Variants in RCL1 observed in about 807,000 individuals in gnomAD.
RCL1 encodes the protein RNA terminal phosphate cyclase like 1, also known as RNA 3'-terminal phosphate cyclase-like protein.
In RCL1, 24 loss-of-function variants were observed where a neutral mutation model predicts 42.4. That is an observed-to-expected ratio of 0.57 (90% CI 0.41 to 0.80). The LOEUF (loss-of-function observed/expected upper bound fraction) is 0.80. Among genes scored for constraint, RCL1 ranks in the 30% least tolerant of loss-of-function variants. RCL1 has a pLI of 0.00. For synonymous variants in RCL1, 228 were observed against 177.3 expected, an observed-to-expected ratio of 1.29 and a Z score of -2.27; for missense variants, 578 against 467.9, an observed-to-expected ratio of 1.24 and a Z score of -2.17.
intron 1 of RCL1, among the ~76,000 whole-genome samples, chr9:4,817,023 T>G (rs910527866): frequency 1.3e-5 from 2 of 152,174 alleles, no homozygotes; most frequent in Non-Finnish European, 2.9e-5. Context: ...TTCACCGTGT[T>G]AGCCAGGATG....
intron 7 of RCL1, 92 bp downstream of exon 7, chr9:4,844,773 G>A: frequency 1.5e-6 from 2 of 1,336,252 alleles, no homozygotes; most frequent in East Asian, 2.3e-5. Flanking sequence ...CTCTTCCAAG[G>A]GCTCAAGCCA....
At chr9:4,827,264 C>T (rs1563842566) in intron 3 of RCL1, 3 of 1,434,516 alleles carry the variant, frequency 2.1e-6, no homozygotes, top group East Asian at 5.0e-5. Flanking sequence ...TTTGTTGTTA[C>T]CTAAGAACCT....
chr9:4,796,510 G>T (rs531091149), intron 1 of RCL1, among the ~76,000 whole-genome samples: 2 of 152,100 alleles, frequency 1.3e-5, no homozygotes, highest in African/African-American at 4.8e-5. Context: ...ATCCTCTCAC[G>T]TTAGCTTCCT....
intron 7 of RCL1, 30 bp downstream of exon 7, chr9:4,844,711 G>T: frequency 6.3e-7 from 1 of 1,591,336 alleles, no homozygotes; most frequent in Non-Finnish European, 8.6e-7. Flanking sequence ...TGATAGAGGA[G>T]TGACCAGGAA....
rs746372315 is a variant in RCL1, at chr9:4,849,507, C to G, written c.928C>G (p.Gln310Glu). ...LALLLMTLGQ[Q>E]DVSKVLLGPL... The stretch of plus-strand genomic sequence containing the variant: ...GCTACTACTCATGACCCTTGGACAG[C>G]AGGATGTTTCCAAAGTCCTGCTAGG... Residue 310 changes from glutamine (Q) to glutamate (E), a missense_variant, in exon 8 of 9, where the codon CAG (glutamine) becomes GAG (glutamate). By Grantham distance (29) the Gln-to-Glu change is conservative. Transcript: ENST00000381750. 1 of 1,614,078 alleles carries G rather than the reference C, an allele frequency of 6.2e-7. No individual in the cohort carries two copies. The highest frequency in any genetic ancestry group is 1.1e-5 in the South Asian group (1 of 91,082).
At chr9:4,827,749 T>TGCACGC (rs1266323838) in intron 3 of RCL1, among the ~76,000 whole-genome samples, 1 of 118,774 alleles carries the variant, frequency 8.4e-6, no homozygotes, top group East Asian at 2.7e-4. Context: ...TGTGTGTGTG[T>TGCACGC]GTGTGTGCAC....
intron 1 of RCL1, among the ~76,000 whole-genome samples, chr9:4,802,909 T>G (rs1488596203): frequency 6.6e-6 from 1 of 152,170 alleles, no homozygotes; most frequent in Non-Finnish European, 1.5e-5. Flanking sequence ...CAACCTTGAA[T>G]TCCTGGGCTC....
chr9:4,819,677 C>T (rs754587779), intron 1 of RCL1, among the ~76,000 whole-genome samples: 59 of 152,212 alleles, frequency 3.9e-4, no homozygotes, highest in Non-Finnish European at 7.4e-4. Context: ...CGTGGTGGCA[C>T]GCGCCTGTAG....
At chr9:4,806,342 T>C (rs1247424342) in intron 1 of RCL1, among the ~76,000 whole-genome samples, 1 of 152,068 alleles carries the variant, frequency 6.6e-6, no homozygotes, top group Non-Finnish European at 1.5e-5. Context: ...TCCCCCTAAG[T>C]ATGTTAGCTA....
chr9:4,813,782 C>G (rs774475592), intron 1 of RCL1, among the ~76,000 whole-genome samples: 3 of 152,196 alleles, frequency 2.0e-5, no homozygotes, highest in Admixed American at 6.5e-5. Flanking sequence ...AGACTTGGAA[C>G]CAACCCAAAT....
At chr9:4,822,720 C>G (rs1473172554) in intron 1 of RCL1, among the ~76,000 whole-genome samples, 1 of 152,062 alleles carries the variant, frequency 6.6e-6, no homozygotes, top group African/African-American at 2.4e-5. Flanking sequence ...ACTTGGGAGG[C>G]TGAGGCAGGA....
intron 1 of RCL1, among the ~76,000 whole-genome samples, chr9:4,813,487 GA>G (rs1816255113): frequency 6.6e-6 from 1 of 152,186 alleles, no homozygotes; most frequent in Non-Finnish European, 1.5e-5. Flanking sequence ...ACCACAGTGA[GA>G]TACCATCTCA....
At chr9:4,796,835 T>C (rs1288349644) in intron 1 of RCL1, among the ~76,000 whole-genome samples, 1 of 152,226 alleles carries the variant, frequency 6.6e-6, no homozygotes, top group African/African-American at 2.4e-5. Flanking sequence ...GCAATAAACA[T>C]ACAAGTACAG....
intron 1 of RCL1, among the ~76,000 whole-genome samples, chr9:4,809,941 C>T (rs181548068): frequency 3.4e-4 from 52 of 152,240 alleles, no homozygotes; most frequent in Middle Eastern, 6.8e-3. Context: ...CTCAGCCTCC[C>T]AAGTAGCTGG....
At chr9:4,851,463 T>C (rs1817746541) in intron 8 of RCL1, among the ~76,000 whole-genome samples, 1 of 152,164 alleles carries the variant, frequency 6.6e-6, no homozygotes, top group South Asian at 2.1e-4. Flanking sequence ...CCCTAATCAC[T>C]ATGGACAGCT....
intron 2 of RCL1, among the ~76,000 whole-genome samples, chr9:4,826,098 G>T (rs1166232994): frequency 6.6e-6 from 1 of 150,378 alleles, no homozygotes; most frequent in African/African-American, 2.5e-5. Flanking sequence ...AAGAAAGAAA[G>T]AAAAAGAAAA....
intron 1 of RCL1, among the ~76,000 whole-genome samples, chr9:4,811,152 C>T (rs909551367): frequency 2.0e-5 from 3 of 151,882 alleles, no homozygotes; most frequent in Non-Finnish European, 4.4e-5. Context: ...TGTGGTGGTG[C>T]ACACCTATTG....
chr9:4,802,966 G>A (rs1391957125), intron 1 of RCL1, among the ~76,000 whole-genome samples: 1 of 151,826 alleles, frequency 6.6e-6, no homozygotes, highest in Non-Finnish European at 1.5e-5. Flanking sequence ...GACTACAGGT[G>A]TGTACCACCA....
At chr9:4,839,300 T>C (rs1817236601) in intron 5 of RCL1, among the ~76,000 whole-genome samples, 1 of 152,182 alleles carries the variant, frequency 6.6e-6, no homozygotes, top group Admixed American at 6.5e-5. Flanking sequence ...GGAAGATGCT[T>C]TTTGGGAGTC....
Sources: gnomAD v4.1 joint callset for allele counts (sites outside exome capture counted in the v4.1 genomes callset) on GRCh38, gnomAD v4.1.1 for gene constraint, MANE v1.5 for transcripts, NCBI Gene and HGNC (gene_info 2026-07-23, HGNC 2026-07-21) for gene names.